Variants in CA10 observed in about 807,000 individuals in gnomAD.
CA10 encodes carbonic anhydrase-related protein 10.
In CA10, 14 loss-of-function variants were observed where a neutral mutation model predicts 44.2. The ratio of observed to expected loss-of-function variants is 0.32; its 90% CI spans 0.21 to 0.50. CA10 has a LOEUF of 0.50. CA10 is among the 20% of genes least tolerant of loss of function. CA10 has a pLI of 0.99. For missense variants in CA10, 350 were observed against 409.7 expected (o/e 0.85, Z 1.26); for synonymous variants, 159 against 141.6 (o/e 1.12, Z -0.87).
intron 1 of CA10, among the ~76,000 whole-genome samples, chr17:52,089,486 C>A (rs1199742156): frequency 6.6e-6 from 1 of 152,154 alleles, no homozygotes; most frequent in African/African-American, 2.4e-5. Flanking sequence ...TCATTAAATT[C>A]ACATCAACTC....
At chr17:51,631,876 C>T (rs1443870775) in intron 8 of CA10, among the ~76,000 whole-genome samples, 2 of 152,196 alleles carry the variant, frequency 1.3e-5, no homozygotes, top group African/African-American at 2.4e-5. Flanking sequence ...CATCATTGTA[C>T]TAGTCACCCA....
At chr17:52,004,095 C>A (rs940293139) in intron 2 of CA10, among the ~76,000 whole-genome samples, 3 of 151,892 alleles carry the variant, frequency 2.0e-5, no homozygotes, top group African/African-American at 4.8e-5. Context: ...GATGTTGATG[C>A]TGAAAACCCA....
At chr17:52,049,445 T>A (rs1598186461) in intron 2 of CA10, among the ~76,000 whole-genome samples, 1 of 152,080 alleles carries the variant, frequency 6.6e-6, no homozygotes, top group Admixed American at 6.6e-5. Flanking sequence ...GTGCTTGGAG[T>A]CATGCCTGGC....
intron 1 of CA10, among the ~76,000 whole-genome samples, chr17:52,137,832 A>G (rs2143372165): frequency 6.6e-6 from 1 of 152,360 alleles, no homozygotes; most frequent in Middle Eastern, 3.4e-3. Context: ...GAATGCTATC[A>G]AAAAGTAGAG....
chr17:51,663,953 A>G (rs1456296079), intron 4 of CA10, among the ~76,000 whole-genome samples: 2 of 152,188 alleles, frequency 1.3e-5, no homozygotes, highest in African/African-American at 4.8e-5. Context: ...TTGTATTATG[A>G]AAATAGATAT....
intron 3 of CA10, among the ~76,000 whole-genome samples, chr17:51,788,063 T>A (rs1018387085): frequency 6.6e-6 from 1 of 152,166 alleles, no homozygotes; most frequent in Non-Finnish European, 1.5e-5. Flanking sequence ...TTATTTGAAA[T>A]TTTTCTTCTT....
chr17:52,146,502 A>G (rs2143398001), intron 1 of CA10, among the ~76,000 whole-genome samples: 1 of 151,748 alleles, frequency 6.6e-6, no homozygotes, highest in East Asian at 1.9e-4. Flanking sequence ...CATCCTGGCT[A>G]ACACAGTGAA....
chr17:51,835,272 C>T (rs536057182), intron 3 of CA10, among the ~76,000 whole-genome samples: 55 of 152,256 alleles, frequency 3.6e-4, no homozygotes, highest in Non-Finnish European at 6.8e-4. Context: ...GGGGCAGATG[C>T]TTTCAGCAGC....
intron 3 of CA10, among the ~76,000 whole-genome samples, chr17:51,777,288 T>C (rs902108704): frequency 6.6e-6 from 1 of 152,168 alleles, no homozygotes; most frequent in Non-Finnish European, 1.5e-5. Flanking sequence ...GGCTTTGAGA[T>C]GGGCCAGCTG....
At chr17:51,813,968 T>C (rs934848941) in intron 3 of CA10, among the ~76,000 whole-genome samples, 4 of 152,214 alleles carry the variant, frequency 2.6e-5, no homozygotes, top group African/African-American at 9.6e-5. Flanking sequence ...CCTTGTTTCC[T>C]GCTACAGTCA....
intron 2 of CA10, among the ~76,000 whole-genome samples, chr17:52,014,536 T>G (rs909078931): frequency 6.6e-6 from 1 of 152,004 alleles, no homozygotes; most frequent in Admixed American, 6.6e-5. Flanking sequence ...AGTATAATAT[T>G]TTTATAATCT....
chr17:52,157,416 G>A (rs1989827068), intron 1 of CA10, among the ~76,000 whole-genome samples: 1 of 151,756 alleles, frequency 6.6e-6, no homozygotes, highest in Admixed American at 6.6e-5. Context: ...GGATTTCGGC[G>A]CCAGAGTTCT....
At chr17:51,720,423 G>GC (rs1916318085) in intron 4 of CA10, among the ~76,000 whole-genome samples, 1 of 152,172 alleles carries the variant, frequency 6.6e-6, no homozygotes, top group South Asian at 2.1e-4. Context: ...TCAGGAAGAG[G>GC]CTGGTCACCA....
At chr17:51,663,732 T>C (rs1914098851) in intron 4 of CA10, among the ~76,000 whole-genome samples, 3 of 152,214 alleles carry the variant, frequency 2.0e-5, no homozygotes. Flanking sequence ...TAGAAATGTC[T>C]GGCTGCTGGG....
Position 51,823,406 on chromosome 17 carries a change from G to A in CA10, c.280-75588C>T, listed in dbSNP as rs140385310. 1.5e-3 allele frequency among the ~76,000 whole-genome samples: 230 copies of A among 152,290 alleles called. 1 individual carries two copies. Among genetic ancestry groups the A allele is most frequent in the African/African-American group, 2.2e-3 (91 of 41,570 alleles). On this transcript the variant is annotated intron_variant, in intron 3 of 8. Transcript: ENST00000451037. ...TGGTGTCCTCTACTCGTGGTTGGAC[G>A]CTGCTTTGGAAAGGAATCATGTTCA...
chr17:51,981,726 T>C (rs1421258859), intron 2 of CA10, among the ~76,000 whole-genome samples: 3 of 152,088 alleles, frequency 2.0e-5, no homozygotes, highest in African/African-American at 7.2e-5. Context: ...TACTTGCTTC[T>C]GCCTTTCCTA....
At chr17:51,824,882 T>G (rs924275379) in intron 3 of CA10, among the ~76,000 whole-genome samples, 2 of 152,250 alleles carry the variant, frequency 1.3e-5, no homozygotes, top group African/African-American at 4.8e-5. Flanking sequence ...TCTGACTTCC[T>G]CACTTTACTA....
intron 3 of CA10, among the ~76,000 whole-genome samples, chr17:51,872,363 A>G (rs1450438096): frequency 6.6e-6 from 1 of 152,144 alleles, no homozygotes; most frequent in African/African-American, 2.4e-5. Flanking sequence ...TCTCCTTCGT[A>G]GGGCTCATAG....
chr17:51,860,504 A>G (rs1979255543), intron 3 of CA10, among the ~76,000 whole-genome samples: 1 of 152,232 alleles, frequency 6.6e-6, no homozygotes, highest in South Asian at 2.1e-4. Context: ...CAGATATGCA[A>G]GAATAACTGG....
Sources: gnomAD v4.1 joint callset for allele counts (sites outside exome capture counted in the v4.1 genomes callset) on GRCh38, gnomAD v4.1.1 for gene constraint, MANE v1.5 for transcripts, NCBI Gene and HGNC (gene_info 2026-07-23, HGNC 2026-07-21) for gene names.